DTNA: variants seen among roughly 807,000 people sequenced by gnomAD.
DTNA encodes the protein dystrobrevin alpha, also known as dystrophin-related protein 3.
Under a neutral mutation model 100.7 loss-of-function variants are expected in DTNA, and 43 were observed. That is an observed-to-expected ratio of 0.43 (90% CI 0.33 to 0.55). The LOEUF is 0.55. Among genes scored for constraint, DTNA ranks in the 20% least tolerant of loss-of-function variants. The pLI is 0.04. For missense variants in DTNA, 798 were observed against 953.9 expected (o/e 0.84, Z 2.15); for synonymous variants, 349 against 347.9 (o/e 1.00, Z -0.04).
At chr18:34,552,040 C>T (rs1377373331) in intron 1 of DTNA, among the ~76,000 whole-genome samples, 1 of 152,032 alleles carries the variant, frequency 6.6e-6, no homozygotes, top group Non-Finnish European at 1.5e-5. Context: ...TGCTTGGCTC[C>T]ATTTCAGCCT....
chr18:34,726,817 G>C (rs1323758928), intron 1 of DTNA, among the ~76,000 whole-genome samples: 1 of 152,240 alleles, frequency 6.6e-6, no homozygotes. Flanking sequence ...CTGAAGGACA[G>C]CAACCCCCTT....
At position 34,889,647 on chromosome 18, in the gene DTNA, T is replaced by C; in HGVS notation, c.*1913T>C. The C allele has an allele frequency of 2.0e-6, 2 of 985,702 alleles. No homozygotes were observed. The highest frequency in any genetic ancestry group is 1.2e-6 in the Non-Finnish European group (1 of 829,954). 61.1% of individuals were successfully genotyped at this position (985,702 alleles called of 1,614,324 possible). The stretch of plus-strand genomic sequence containing the variant: ...CATGTCTGCGTTTGGTCAGACATCA[T>C]CTCCTTGGCTGCCCTTTGAAACCAA... On this transcript the variant is annotated 3_prime_UTR_variant, in exon 23 of 23. Transcript: ENST00000444659.
At chr18:34,640,209 C>G (rs1214616812) in intron 1 of DTNA, among the ~76,000 whole-genome samples, 1 of 152,182 alleles carries the variant, frequency 6.6e-6, no homozygotes, top group East Asian at 1.9e-4. Context: ...TTGCACCTTG[C>G]AGACCATTTC....
rs1170271212 is a variant in DTNA at position 34,818,325 on chromosome 18, T to A, written c.871T>A (p.Ser291Thr). Residue 291 changes from serine (S) to threonine (T), a missense_variant, in exon 8 of 23, where the codon TCA becomes ACA. By Grantham distance (58) the Ser-to-Thr change is moderately conservative. Coordinates refer to ENST00000444659, the MANE Select transcript of DTNA (RefSeq NM_001386795.1). ...CCAGCACCAAATGAAAGAGTACACGTCATGGGTAAGGCAAGGTCCAGGCAA... is the reference window on the plus strand; with the variant it reads ...CCAGCACCAAATGAAAGAGTACACGACATGGGTAAGGCAAGGTCCAGGCAA... Reference protein sequence around the residue: ...SNQHQMKEYTSWKSPAKKLTN... With the variant: ...SNQHQMKEYTTWKSPAKKLTN... 8 of 1,613,598 alleles carry A rather than the reference T, an allele frequency of 5.0e-6. No homozygotes were observed. Among genetic ancestry groups the A allele is most frequent in the Non-Finnish European group, 6.8e-6 (8 of 1,179,814 alleles).
intron 11 of DTNA, among the ~76,000 whole-genome samples, chr18:34,834,927 C>T (rs1238759339): frequency 6.6e-6 from 1 of 152,216 alleles, no homozygotes; most frequent in African/African-American, 2.4e-5. Flanking sequence ...TTTGCTGCCT[C>T]TCTTCAAGCT....
At chr18:34,711,816 A>G (rs1052890788) in intron 1 of DTNA, among the ~76,000 whole-genome samples, 2 of 152,212 alleles carry the variant, frequency 1.3e-5, no homozygotes, top group African/African-American at 2.4e-5. Context: ...ATTATTTGCC[A>G]TGATTTCAAA....
chr18:34,592,632 C>A (rs891127617), intron 1 of DTNA, among the ~76,000 whole-genome samples: 2 of 149,724 alleles, frequency 1.3e-5, no homozygotes, highest in African/African-American at 5.1e-5. Flanking sequence ...ACAATTCTTA[C>A]AACAAGTTTT....
At chr18:34,530,531 C>A (rs1382992844) in intron 1 of DTNA, among the ~76,000 whole-genome samples, 1 of 152,048 alleles carries the variant, frequency 6.6e-6, no homozygotes, top group African/African-American at 2.4e-5. Flanking sequence ...CCCACCCAAA[C>A]CCTCGTTTCT....
At chr18:34,869,148 A>G (rs187659677) in intron 17 of DTNA, among the ~76,000 whole-genome samples, 102 of 152,358 alleles carry the variant, frequency 6.7e-4, no homozygotes, top group Non-Finnish European at 1.4e-3. Flanking sequence ...TTGATAATCC[A>G]TGGCTAATAG....
chr18:34,543,282 T>G (rs913488148), intron 1 of DTNA, among the ~76,000 whole-genome samples: 2 of 151,818 alleles, frequency 1.3e-5, no homozygotes, highest in African/African-American at 4.8e-5. Context: ...ATATAATAAT[T>G]TAATTATTTT....
intron 12 of DTNA, 92 bp from the exon 13 acceptor site, chr18:34,838,653 C>A: frequency 9.4e-7 from 1 of 1,068,918 alleles, no homozygotes; most frequent in Non-Finnish European, 1.5e-6. Context: ...TTTCTAAATG[C>A]CTTTTCTACC....
chr18:34,649,195 G>A (rs1194642034), intron 1 of DTNA, among the ~76,000 whole-genome samples: 1 of 152,124 alleles, frequency 6.6e-6, no homozygotes, highest in Non-Finnish European at 1.5e-5. Context: ...ATCTCTGTCT[G>A]TATTTATCAT....
At chr18:34,611,661 A>G (rs1235376287) in intron 1 of DTNA, among the ~76,000 whole-genome samples, 1 of 152,132 alleles carries the variant, frequency 6.6e-6, no homozygotes, top group African/African-American at 2.4e-5. Flanking sequence ...GGAAAACAAA[A>G]CTAAACTAAA....
intron 1 of DTNA, among the ~76,000 whole-genome samples, chr18:34,581,471 GT>G (rs1035349835): frequency 6.6e-5 from 10 of 151,950 alleles, no homozygotes; most frequent in African/African-American, 9.7e-5. Flanking sequence ...TCTCTGATGT[GT>G]TTTTTTAAAA....
chr18:34,874,751 CTT>C (rs1422988169), intron 17 of DTNA, among the ~76,000 whole-genome samples: 3 of 152,198 alleles, frequency 2.0e-5, no homozygotes, highest in South Asian at 2.1e-4. Flanking sequence ...TAATTTGAGA[CTT>C]AATATGCACA....
intron 1 of DTNA, among the ~76,000 whole-genome samples, chr18:34,733,391 A>G (rs556114968): frequency 6.6e-6 from 1 of 152,274 alleles, no homozygotes; most frequent in South Asian, 2.1e-4. Context: ...TTTCACTTCT[A>G]GGAACACCGT....
intron 3 of DTNA, among the ~76,000 whole-genome samples, chr18:34,786,649 C>T (rs2094519711): frequency 6.6e-6 from 1 of 152,060 alleles, no homozygotes; most frequent in Admixed American, 6.6e-5. Context: ...CCACACACAA[C>T]ACTGTCTACG....
At chr18:34,515,227 T>G (rs577324080) in intron 1 of DTNA, among the ~76,000 whole-genome samples, 118 of 152,204 alleles carry the variant, frequency 7.8e-4, no homozygotes, top group African/African-American at 2.8e-3. Flanking sequence ...GCTTGTTAGA[T>G]GGCAAACTCC....
chr18:34,572,190 A>G (rs1333962427), intron 1 of DTNA, among the ~76,000 whole-genome samples: 1 of 152,238 alleles, frequency 6.6e-6, no homozygotes, highest in African/African-American at 2.4e-5. Context: ...ACAGATGCTC[A>G]GAACCCAGCC....
Sources: allele counts gnomAD v4.1 joint callset (sites outside exome capture counted in the v4.1 genomes callset), GRCh38; gene constraint gnomAD v4.1.1; transcripts MANE v1.5; gene names NCBI Gene and HGNC (gene_info 2026-07-23, HGNC 2026-07-21).